DNAH8: variants seen among roughly 807,000 people sequenced by gnomAD.
The protein encoded by DNAH8 is axonemal beta dynein heavy chain 8.
Under a neutral mutation model 562.1 loss-of-function variants are expected in DNAH8, and 382 were observed. The ratio of observed to expected loss-of-function variants is 0.68; its 90% CI spans 0.63 to 0.74. The LOEUF (loss-of-function observed/expected upper bound fraction) is 0.74. DNAH8 is among the 30% of genes least tolerant of loss of function. The pLI is 0.00. For synonymous variants in DNAH8, 1,881 were observed against 1,919.4 expected (o/e 0.98, Z 0.52); for missense variants, 5,203 against 5,620.4 (o/e 0.93, Z 2.37).
At chr6:38,780,637 C>T (rs1262769265) in intron 15 of DNAH8, among the ~76,000 whole-genome samples, 1 of 152,068 alleles carries the variant, frequency 6.6e-6, no homozygotes, top group Non-Finnish European at 1.5e-5. Flanking sequence ...GGGAGCTAAA[C>T]ATTGAGTACA....
chr6:38,836,076 G>A (rs902624436), intron 32 of DNAH8, among the ~76,000 whole-genome samples: 1 of 152,090 alleles, frequency 6.6e-6, no homozygotes, highest in Non-Finnish European at 1.5e-5. Flanking sequence ...CCTGGTTTGA[G>A]GGAAAAAGTT....
chr6:38,880,878 A>C (rs559963822), intron 53 of DNAH8, among the ~76,000 whole-genome samples: 12 of 152,196 alleles, frequency 7.9e-5, no homozygotes, highest in African/African-American at 2.9e-4. Context: ...AAATACAAAA[A>C]TCAGCTGTGC....
chr6:38,942,749 G>A (rs1783563218), intron 79 of DNAH8, among the ~76,000 whole-genome samples: 1 of 152,236 alleles, frequency 6.6e-6, no homozygotes, highest in African/African-American at 2.4e-5. Context: ...GACCTAGCCT[G>A]CACCTGAGGT....
In DNAH8 at chr6:38,834,574, TACAG is replaced by T. The variant is rs773328136; in HGVS notation, c.4303-4_4303-1del. 6.3e-7 allele frequency: 1 copy of T among 1,576,192 alleles called. No homozygotes were observed. The highest frequency in any genetic ancestry group is 1.2e-5 in the South Asian group (1 of 84,710). On this transcript the variant is annotated splice_acceptor_variant and splice_polypyrimidine_tract_variant and intron_variant, in intron 31 of 92. Coordinates refer to ENST00000327475, the MANE Select transcript of DNAH8 (RefSeq NM_001206927.2). LOFTEE classifies it high-confidence loss of function. ...TGAAAATGGAGATTATATTCTTCCT[TACAG>T]GAAGGACCTATGGTTCCAAATATAC...
intron 82 of DNAH8, among the ~76,000 whole-genome samples, chr6:38,963,354 A>G (rs1762752169): frequency 5.6e-5 from 3 of 53,632 alleles, no homozygotes; most frequent in South Asian, 8.0e-4. Context: ...ATTTTCTTTG[A>G]GAAAGTCCTT....
Position 38,984,208 on chromosome 6 carries a change from T to C in DNAH8, c.12954T>C (p.Gly4318=), listed in dbSNP as rs750166309. Reference sequence around the variant, plus strand: ...ATCCTTTTTTACTTTTAATAAAGGGTGTATCATGGAATACGGTTCGGTACA... The same window carrying C: ...ATCCTTTTTTACTTTTAATAAAGGGCGTATCATGGAATACGGTTCGGTACA... The part of the protein sequence containing the change: ...NHLDECDIKK[G]VSWNTVRYMI... The change falls in exon 87 of 93, where the codon GGT becomes GGC. Residue 4318 remains glycine (G), a splice_region_variant and synonymous_variant. Transcript: ENST00000327475. 5 of 1,533,490 alleles carry C rather than the reference T, an allele frequency of 3.3e-6. No homozygotes were observed. The highest frequency in any genetic ancestry group is 2.7e-5 in the African/African-American group (2 of 73,382). The allele number at this position is 1,533,490 out of a possible 1,614,324, so 95.0% of individuals were successfully genotyped here.
chr6:38,737,875 T>C lies in DNAH8; in HGVS notation c.1019T>C (p.Leu340Pro). The change falls in exon 7 of 93, where the codon CTG becomes CCG. Residue 340 changes from leucine (L) to proline (P), a missense_variant. Physicochemically the swap from Leu to Pro is moderately conservative, Grantham distance 98. Around this residue, in one of 6 missense-constraint regions of DNAH8, gnomAD observed 556 missense variants for 496.9 expected, o/e 1.12. Coordinates refer to ENST00000327475, the MANE Select transcript of DNAH8 (RefSeq NM_001206927.2). Reference sequence around the variant, plus strand: ...ATAGACAATGTTAATTTTTCCAAACTGCACACCTTTGAAGAAGTAACTGCT... The same window carrying C: ...ATAGACAATGTTAATTTTTCCAAACCGCACACCTTTGAAGAAGTAACTGCT... ...KTIDNVNFSK[L>P]HTFEEVTAAA... 1 of 1,596,360 alleles carries C rather than the reference T, an allele frequency of 6.3e-7. No individual in the cohort carries two copies. Among genetic ancestry groups the C allele is most frequent in the Non-Finnish European group, 8.5e-7 (1 of 1,173,536 alleles).
chr6:38,810,140 T>A (rs1402026122), intron 24 of DNAH8, among the ~76,000 whole-genome samples: 1 of 152,230 alleles, frequency 6.6e-6, no homozygotes, highest in Non-Finnish European at 1.5e-5. Flanking sequence ...TATGACATTT[T>A]ATTTTGTGTT....
chr6:38,871,671 G>A (rs186978031), intron 49 of DNAH8, among the ~76,000 whole-genome samples: 14 of 152,150 alleles, frequency 9.2e-5, no homozygotes, highest in Non-Finnish European at 1.5e-4. Context: ...TTATAGCAGC[G>A]GCTGTCCATG....
chr6:38,837,306 A>G (rs1381345128), intron 32 of DNAH8, among the ~76,000 whole-genome samples: 1 of 152,172 alleles, frequency 6.6e-6, no homozygotes, highest in Admixed American at 6.5e-5. Flanking sequence ...ATGCTGTACC[A>G]CTTACACAGA....
At chr6:38,981,929 T>C (rs887580173) in intron 85 of DNAH8, among the ~76,000 whole-genome samples, 2 of 152,240 alleles carry the variant, frequency 1.3e-5, no homozygotes, top group Non-Finnish European at 2.9e-5. Context: ...GGTGGTCCTG[T>C]AAGAGTATAA....
intron 21 of DNAH8, among the ~76,000 whole-genome samples, chr6:38,802,415 CT>C (rs1185641528): frequency 6.6e-6 from 1 of 152,168 alleles, no homozygotes; most frequent in East Asian, 1.9e-4. Flanking sequence ...AACTACTTTT[CT>C]TTGTCCTAAA....
intron 36 of DNAH8, among the ~76,000 whole-genome samples, chr6:38,847,044 G>A (rs1481416983): frequency 6.6e-6 from 1 of 152,116 alleles, no homozygotes; most frequent in African/African-American, 2.4e-5. Context: ...CTAGTAGTGA[G>A]TCATACCTGC....
Position 39,009,785 on chromosome 6 carries a change from T to C in DNAH8, c.13371+815T>C, listed in dbSNP as rs76048571. The stretch of plus-strand genomic sequence containing the variant: ...AAAAATGTTTTATTGCCTCTTAAAA[T>C]AATTATTGTTTCCATTGTGTAGATA... On this transcript the variant is annotated intron_variant, in intron 89 of 92. Transcript: ENST00000327475. 6.8e-3 allele frequency among the ~76,000 whole-genome samples: 1,043 copies of C among 152,338 alleles called. 35 individuals are homozygous for C. The East Asian group carries it at 0.093, about 14-fold the overall frequency.
intron 20 of DNAH8, 22 bp from the exon 21 acceptor site, chr6:38,791,532 TC>T: frequency 6.3e-7 from 1 of 1,595,946 alleles, no homozygotes; most frequent in Non-Finnish European, 8.5e-7. Context: ...AGTTTTTTTT[TC>T]TTACATTTTT....
chr6:39,027,489 C>A (rs113035245), intron 92 of DNAH8, among the ~76,000 whole-genome samples: 2,170 of 152,312 alleles, frequency 0.014, 23 homozygotes, highest in Non-Finnish European at 0.024. Context: ...TTTTTTGAGT[C>A]TTCACATCTT....
chr6:38,908,433 C>G (rs966877762), intron 64 of DNAH8, among the ~76,000 whole-genome samples: 1 of 152,210 alleles, frequency 6.6e-6, no homozygotes, highest in African/African-American at 2.4e-5. Flanking sequence ...GACATATTAG[C>G]TTTACTATAA....
At chr6:38,905,292 T>C (rs915390218) in intron 62 of DNAH8, among the ~76,000 whole-genome samples, 1 of 152,346 alleles carries the variant, frequency 6.6e-6, no homozygotes, top group East Asian at 1.9e-4. Flanking sequence ...TCAGATAATG[T>C]CTGCTTTATT....
intron 26 of DNAH8, among the ~76,000 whole-genome samples, chr6:38,817,975 T>C (rs1772442925): frequency 6.6e-6 from 1 of 152,174 alleles, no homozygotes; most frequent in African/African-American, 2.4e-5. Context: ...TAAACAGTTC[T>C]TTTAAATATA....
Sources: gnomAD v4.1 joint callset for allele counts (sites outside exome capture counted in the v4.1 genomes callset) on GRCh38, gnomAD v4.1.1 for gene constraint, gnomAD v4.1.1 regional missense constraint, MANE v1.5 for transcripts, NCBI Gene and HGNC (gene_info 2026-07-23, HGNC 2026-07-21) for gene names.